GOLIM4: variants seen among roughly 807,000 people sequenced by gnomAD.
GOLIM4 encodes the protein golgi integral membrane protein 4, also known as 130 kDa golgi-localized phosphoprotein.
A neutral mutation model predicts 107.4 loss-of-function variants in GOLIM4; 71 were observed. That is an observed-to-expected ratio of 0.66 (90% confidence interval 0.55 to 0.81). The LOEUF (loss-of-function observed/expected upper bound fraction) is 0.81. GOLIM4 is among the 30% of genes least tolerant of loss of function. The probability of loss-of-function intolerance (pLI) is 0.00; values close to 1 mark genes in which losing one functional copy is unlikely to be tolerated. For synonymous variants in GOLIM4, 327 were observed against 294.8 expected, an observed-to-expected ratio of 1.11 and a Z score of -1.12; for missense variants, 830 against 826.1, an observed-to-expected ratio of 1.00 and a Z score of -0.06.
chr3:168,022,873 C>G (rs1356735708), intron 14 of GOLIM4, among the ~76,000 whole-genome samples: 2 of 152,158 alleles, frequency 1.3e-5, no homozygotes, highest in African/African-American at 4.8e-5. Context: ...GAGGAAGAGT[C>G]CTGTCAGTCC....
chr3:168,089,051 T>C (rs1179715705), intron 1 of GOLIM4, among the ~76,000 whole-genome samples: 2 of 152,266 alleles, frequency 1.3e-5, no homozygotes, highest in African/African-American at 4.8e-5. Flanking sequence ...AAATCGATTA[T>C]AGATTATGTG....
Position 168,054,621 on chromosome 3 carries a change from T to G in GOLIM4, c.188-6256A>C, listed in dbSNP as rs1009492827. 2.0e-5 allele frequency among the ~76,000 whole-genome samples: 3 copies of G among 150,726 alleles called. No individual in the cohort carries two copies. The East Asian group carries it at 5.8e-4, about 29-fold the overall frequency. ...TTTTTACTTATTAATTAAACATAAT[T>G]TATTAATTATAAAATAATAATTTTT... On this transcript the variant is annotated intron_variant, in intron 1 of 15. Coordinates refer to ENST00000470487, the MANE Select transcript of GOLIM4 (RefSeq NM_014498.5).
intron 1 of GOLIM4, among the ~76,000 whole-genome samples, chr3:168,072,342 A>G (rs1331920565): frequency 3.3e-5 from 5 of 151,648 alleles, no homozygotes; most frequent in Admixed American, 1.3e-4. Flanking sequence ...ATATTCATTG[A>G]CTTTGTATAC....
chr3:168,013,610 C>T lies in GOLIM4; in HGVS notation c.1861-2787G>A, dbSNP rs1717189065. On this transcript the variant is annotated intron_variant, in intron 14 of 15. Coordinates refer to ENST00000470487, the MANE Select transcript of GOLIM4 (RefSeq NM_014498.5). ...ACATTTTTTTCAGCACCACACCACA[C>T]CTATTCCAAAATTGACCACATACTG... is the stretch of plus-strand genomic sequence containing the variant. Among the ~76,000 whole-genome samples the T allele has an allele frequency of 2.0e-5, 3 of 148,336 alleles. No individual in the cohort carries two copies. The East Asian group carries it at 5.8e-4, about 29-fold the overall frequency.
At chr3:168,077,672 G>A (rs879623650) in intron 1 of GOLIM4, among the ~76,000 whole-genome samples, 3 of 152,100 alleles carry the variant, frequency 2.0e-5, no homozygotes, top group Non-Finnish European at 2.9e-5. Context: ...CATGTAACAC[G>A]AGTTGCATCA....
intron 1 of GOLIM4, among the ~76,000 whole-genome samples, chr3:168,073,169 C>T (rs1720917706): frequency 1.3e-5 from 2 of 152,212 alleles, no homozygotes; most frequent in South Asian, 4.1e-4. Context: ...CCAAGTTTCA[C>T]ACTTCCCCAG....
At chr3:168,088,903 T>C (rs372828695) in intron 1 of GOLIM4, among the ~76,000 whole-genome samples, 2 of 152,208 alleles carry the variant, frequency 1.3e-5, no homozygotes, top group African/African-American at 4.8e-5. Context: ...TCCAATCTAC[T>C]TGGAACTTAA....
intron 1 of GOLIM4, among the ~76,000 whole-genome samples, chr3:168,058,436 C>T (rs559306032): frequency 2.6e-5 from 4 of 152,204 alleles, no homozygotes; most frequent in Non-Finnish European, 4.4e-5. Flanking sequence ...AATAATCATT[C>T]TCATTATCAG....
intron 1 of GOLIM4, among the ~76,000 whole-genome samples, chr3:168,057,880 A>G (rs1486194746): frequency 1.3e-5 from 2 of 152,164 alleles, no homozygotes; most frequent in African/African-American, 4.8e-5. Flanking sequence ...ATGCACTTGG[A>G]AGAGATTTCA....
intron 1 of GOLIM4, among the ~76,000 whole-genome samples, chr3:168,089,347 T>C (rs1312465835): frequency 6.6e-6 from 1 of 152,202 alleles, no homozygotes; most frequent in African/African-American, 2.4e-5. Flanking sequence ...CTACCACACA[T>C]TGCCCACACT....
rs1718083286 is a variant in GOLIM4 at position 168,027,812 on chromosome 3, T to C, written c.1539A>G (p.Gln513=). The change falls in exon 12 of 16, where the codon CAA becomes CAG. Residue 513 remains glutamine (Q), a synonymous_variant. Transcript: ENST00000470487. The stretch of plus-strand genomic sequence containing the variant: ...TACCTGGATCTCCTTCTGCTTCATC[T>C]TGGTGCTGGTTGTCTCTTTCATAGG... The part of the protein sequence containing the change: ...EGAYERDNQH[Q]DEAEGDPGNR... The C allele has an allele frequency of 6.2e-7, 1 of 1,612,392 alleles. No individual in the cohort carries two copies. The highest frequency in any genetic ancestry group is 2.2e-5 in the East Asian group (1 of 44,860).
chr3:168,011,184 G>A (rs1044246721), intron 14 of GOLIM4, among the ~76,000 whole-genome samples: 9 of 148,994 alleles, frequency 6.0e-5, no homozygotes, highest in Non-Finnish European at 1.0e-4. Context: ...CAGTGGGTGC[G>A]CGCACCATGC....
rs765504433 is a variant in GOLIM4 at position 168,095,300 on chromosome 3, C to A, written c.-15G>T. ...CCGTTTCCCATAGTCCCGCCTGGAC[C>A]CAAAGCCGCGGCCGCCCCCGCCGTC... On this transcript the variant is annotated 5_prime_UTR_variant, in exon 1 of 16. Coordinates refer to ENST00000470487, the MANE Select transcript of GOLIM4 (RefSeq NM_014498.5). The A allele has an allele frequency of 6.2e-7, 1 of 1,608,148 alleles. No individual in the cohort carries two copies.
chr3:168,014,146 G>A (rs2108207585), intron 14 of GOLIM4, among the ~76,000 whole-genome samples: 1 of 148,824 alleles, frequency 6.7e-6, no homozygotes, highest in Non-Finnish European at 1.5e-5. Flanking sequence ...CCGCTAGCAA[G>A]ACTAATAAAG....
At chr3:168,043,561 C>A (rs1338991350) in intron 4 of GOLIM4, 32 bp from the exon 5 acceptor site, 2 of 1,558,360 alleles carry the variant, frequency 1.3e-6, no homozygotes, top group East Asian at 2.3e-5. Context: ...TAGAAATATA[C>A]ATTCTCTGAA....
At chr3:168,072,689 T>A (rs1483125153) in intron 1 of GOLIM4, among the ~76,000 whole-genome samples, 1 of 152,218 alleles carries the variant, frequency 6.6e-6, no homozygotes, top group Non-Finnish European at 1.5e-5. Context: ...TTTTTATATA[T>A]AATTTTATCC....
At chr3:168,090,758 T>C (rs1295841624) in intron 1 of GOLIM4, among the ~76,000 whole-genome samples, 2 of 152,110 alleles carry the variant, frequency 1.3e-5, no homozygotes, top group African/African-American at 4.8e-5. Flanking sequence ...AGCAAAGATA[T>C]GGAATCAACC....
intron 12 of GOLIM4, among the ~76,000 whole-genome samples, chr3:168,025,408 TAATA>T (rs1717940286): frequency 6.6e-6 from 1 of 152,128 alleles, no homozygotes; most frequent in African/African-American, 2.4e-5. Context: ...AGAAAATAAT[TAATA>T]AAAGTCAGAG....
intron 5 of GOLIM4, 151 bp downstream of exon 5, chr3:168,043,228 A>G (rs1221509261): frequency 5.1e-6 from 3 of 590,278 alleles, no homozygotes; most frequent in Admixed American, 3.4e-5. Context: ...ATGAAGATAC[A>G]TGTGAAACAT....
Sources: gnomAD v4.1 joint callset for allele counts (sites outside exome capture counted in the v4.1 genomes callset) on GRCh38, gnomAD v4.1.1 for gene constraint, MANE v1.5 for transcripts, NCBI Gene and HGNC (gene_info 2026-07-23, HGNC 2026-07-21) for gene names.